PHTF2: variants seen among roughly 807,000 people sequenced by gnomAD.
The protein encoded by PHTF2 is putative homeodomain transcription factor 2, also known as protein PHTF2.
A neutral mutation model predicts 101.2 loss-of-function variants in PHTF2; 60 were observed. The ratio of observed to expected loss-of-function variants is 0.59; its 90% CI spans 0.48 to 0.73. PHTF2 has a LOEUF of 0.73. Among genes scored for constraint, PHTF2 ranks in the 30% least tolerant of loss-of-function variants. PHTF2 has a pLI of 0.00. For synonymous variants in PHTF2, 311 were observed against 307.3 expected (o/e 1.01, Z -0.13); for missense variants, 747 against 908.7 (o/e 0.82, Z 2.29).
chr7:77,956,211 T>C (rs1303349811), exon 20 of PHTF2: 1 of 152,616 alleles, frequency 6.6e-6, no homozygotes, highest in African/African-American at 2.4e-5. Context: ...ATCTAGAATT[T>C]TCTTGGTGCA....
intron 16 of PHTF2, among the ~76,000 whole-genome samples, chr7:77,948,862 C>G (rs1332517255): frequency 3.9e-5 from 6 of 152,158 alleles, no homozygotes; most frequent in East Asian, 3.8e-4. Flanking sequence ...ATTTCAGAGA[C>G]TAACTTACAA....
intron 1 of PHTF2, among the ~76,000 whole-genome samples, chr7:77,829,615 T>C (rs1254475362): frequency 6.6e-6 from 1 of 152,244 alleles, no homozygotes; most frequent in East Asian, 1.9e-4. Context: ...TCTTTTTGTT[T>C]AGCTTTTGTA....
At chr7:77,812,205 A>T (rs1431664238) in intron 1 of PHTF2, among the ~76,000 whole-genome samples, 1 of 152,224 alleles carries the variant, frequency 6.6e-6, no homozygotes, top group African/African-American at 2.4e-5. Context: ...ATGACAACAT[A>T]TGCTGATTAT....
chr7:77,822,071 C>T (rs1325768439), intron 1 of PHTF2, among the ~76,000 whole-genome samples: 2 of 152,144 alleles, frequency 1.3e-5, no homozygotes, highest in East Asian at 1.9e-4. Context: ...TGCTTAGAGA[C>T]GTGGGGGGCA....
chr7:77,851,135 A>G (rs921596155), intron 2 of PHTF2, among the ~76,000 whole-genome samples: 1 of 152,146 alleles, frequency 6.6e-6, no homozygotes, highest in Admixed American at 6.5e-5. Context: ...AATGAATTTG[A>G]AAGTATTCCC....
intron 3 of PHTF2, among the ~76,000 whole-genome samples, chr7:77,876,217 G>T (rs1164209636): frequency 1.3e-5 from 2 of 152,162 alleles, no homozygotes; most frequent in Non-Finnish European, 2.9e-5. Context: ...TTTGTCATCT[G>T]TGTCTCATTC....
chr7:77,816,999 G>C (rs563652464), intron 1 of PHTF2, among the ~76,000 whole-genome samples: 1 of 152,108 alleles, frequency 6.6e-6, no homozygotes, highest in Non-Finnish European at 1.5e-5. Context: ...TCCATATCTT[G>C]ACTATTGTGA....
At chr7:77,938,733 C>T (rs1805379489) in intron 13 of PHTF2, among the ~76,000 whole-genome samples, 2 of 152,272 alleles carry the variant, frequency 1.3e-5, no homozygotes, top group East Asian at 3.9e-4. Context: ...GCCAAGATCA[C>T]GCCACTGCAC....
chr7:77,843,795 A>G (rs965761178), intron 2 of PHTF2, among the ~76,000 whole-genome samples: 2 of 152,238 alleles, frequency 1.3e-5, no homozygotes, highest in African/African-American at 4.8e-5. Flanking sequence ...TACAATATAC[A>G]TATACAGAAA....
At chr7:77,900,306 A>C (rs1801271215) in intron 5 of PHTF2, among the ~76,000 whole-genome samples, 2 of 152,116 alleles carry the variant, frequency 1.3e-5, no homozygotes, top group Non-Finnish European at 2.9e-5. Context: ...TGCTTTCTGA[A>C]ATAATGCCTC....
intron 1 of PHTF2, among the ~76,000 whole-genome samples, chr7:77,831,998 G>A (rs917831928): frequency 6.6e-6 from 1 of 151,958 alleles, no homozygotes; most frequent in Non-Finnish European, 1.5e-5. Context: ...GTAGATCACT[G>A]GCCAGAGGTT....
chr7:77,920,671 G>A (rs893021550), intron 10 of PHTF2, among the ~76,000 whole-genome samples: 1 of 152,070 alleles, frequency 6.6e-6, no homozygotes, highest in Non-Finnish European at 1.5e-5. Context: ...CTGAATTGAT[G>A]GCTTCAGTTT....
chr7:77,940,408 A>G (rs1036714216), intron 14 of PHTF2, 106 bp downstream of exon 13: 1 of 1,272,722 alleles, frequency 7.9e-7, no homozygotes, highest in Admixed American at 2.5e-5. Flanking sequence ...TTACCTAATT[A>G]TTTTTTATTT....
At chr7:77,911,779 C>T (rs534997081) in intron 9 of PHTF2, among the ~76,000 whole-genome samples, 112 of 152,274 alleles carry the variant, frequency 7.4e-4, no homozygotes, top group Non-Finnish European at 1.4e-3. Context: ...TATTCTTCCT[C>T]CAGGGACAAT....
chr7:77,922,226 T>C (rs1230541844), intron 10 of PHTF2, among the ~76,000 whole-genome samples: 1 of 151,932 alleles, frequency 6.6e-6, no homozygotes, highest in Non-Finnish European at 1.5e-5. Context: ...TGAGTTTTGC[T>C]ATGTTGCCCA....
chr7:77,904,374 C>T (rs561858122), intron 7 of PHTF2, among the ~76,000 whole-genome samples: 40 of 152,318 alleles, frequency 2.6e-4, no homozygotes, highest in Middle Eastern at 3.4e-3. Context: ...AGAATCCTTT[C>T]GTAACTCCCC....
intron 1 of PHTF2, among the ~76,000 whole-genome samples, chr7:77,813,168 A>G (rs1453519645): frequency 1.3e-5 from 2 of 152,216 alleles, no homozygotes; most frequent in Admixed American, 6.5e-5. Flanking sequence ...ATTTAAACCA[A>G]GATATTAGAT....
intron 1 of PHTF2, among the ~76,000 whole-genome samples, chr7:77,814,770 G>A (rs1284541075): frequency 3.3e-5 from 5 of 152,042 alleles, no homozygotes; most frequent in African/African-American, 1.2e-4. Context: ...CCGGTCTGGG[G>A]GGGCATTTTT....
intron 9 of PHTF2, among the ~76,000 whole-genome samples, chr7:77,918,474 T>C (rs1380472163): frequency 2.0e-5 from 3 of 152,230 alleles, no homozygotes; most frequent in African/African-American, 7.2e-5. Flanking sequence ...CCAGTCTGAT[T>C]TTCATGAACC....
Sources: gnomAD v4.1 joint callset for allele counts (sites outside exome capture counted in the v4.1 genomes callset) on GRCh38, gnomAD v4.1.1 for gene constraint, MANE v1.5 for transcripts, NCBI Gene and HGNC (gene_info 2026-07-23, HGNC 2026-07-21) for gene names.